The following WDR59 variants were observed in gnomAD, a reference collection of about 807,000 sequenced individuals.
WDR59 encodes the protein WD repeat domain 59, also known as GATOR2 complex protein WDR59.
A neutral mutation model predicts 131.2 loss-of-function variants in WDR59; 100 were observed. The observed-to-expected ratio is 0.76, with a 90% confidence interval of 0.65 to 0.90. The LOEUF (loss-of-function observed/expected upper bound fraction) is 0.90, where lower values mean the gene tolerates loss of function less well. WDR59 is among the 40% of genes least tolerant of loss of function. The probability of loss-of-function intolerance (pLI) is 0.00; values close to 1 mark genes in which losing one functional copy is unlikely to be tolerated. For missense variants in WDR59, 1,203 were observed against 1,262.2 expected, an observed-to-expected ratio of 0.95 and a Z score of 0.71; for synonymous variants, 601 against 466.2, an observed-to-expected ratio of 1.29 and a Z score of -3.72.
intron 25 of WDR59, among the ~76,000 whole-genome samples, chr16:74,875,513 C>T (rs1424732700): frequency 6.6e-6 from 1 of 151,892 alleles, no homozygotes; most frequent in Non-Finnish European, 1.5e-5. Context: ...TCTTGGCTCT[C>T]AATTTTCTCT....
intron 14 of WDR59, among the ~76,000 whole-genome samples, chr16:74,911,551 G>C (rs192093681): frequency 3.3e-5 from 5 of 152,296 alleles, no homozygotes; most frequent in Admixed American, 3.3e-4. Flanking sequence ...ATTTGCTCTG[G>C]ATGAACTGAT....
intron 8 of WDR59, among the ~76,000 whole-genome samples, chr16:74,928,953 G>A (rs2031129716): frequency 6.6e-6 from 1 of 152,102 alleles, no homozygotes; most frequent in South Asian, 2.1e-4. Context: ...GAAATGATCT[G>A]CAAACCATCT....
chr16:74,974,052 C>A (rs1480774838), intron 1 of WDR59, among the ~76,000 whole-genome samples: 1 of 152,172 alleles, frequency 6.6e-6, no homozygotes. Flanking sequence ...CACCTGTAAT[C>A]CCAGCTACTC....
chr16:74,891,838 C>T (rs954190079), intron 20 of WDR59, among the ~76,000 whole-genome samples: 4 of 152,148 alleles, frequency 2.6e-5, no homozygotes, highest in Non-Finnish European at 4.4e-5. Flanking sequence ...GCAGGAGAAT[C>T]GCTTGAACCC....
chr16:74,926,572 G>A (rs879813793), intron 8 of WDR59, among the ~76,000 whole-genome samples: 3 of 152,142 alleles, frequency 2.0e-5, no homozygotes, highest in Admixed American at 6.5e-5. Context: ...TGATCCACAC[G>A]TGTACTCTCA....
At chr16:74,960,178 A>G (rs536888292) in intron 2 of WDR59, among the ~76,000 whole-genome samples, 2 of 152,072 alleles carry the variant, frequency 1.3e-5, no homozygotes, top group African/African-American at 4.8e-5. Flanking sequence ...AAAATACAAA[A>G]AAGTTAGCTG....
At chr16:74,874,473 A>G in intron 25 of WDR59, 29 bp from the exon 26 acceptor site, 5 of 1,605,382 alleles carry the variant, frequency 3.1e-6, no homozygotes, top group Non-Finnish European at 4.3e-6. Flanking sequence ...GGGCAAAACA[A>G]GAGGCAGCAT....
intron 17 of WDR59, among the ~76,000 whole-genome samples, chr16:74,907,507 C>T (rs750502232): frequency 9.2e-5 from 14 of 152,164 alleles, no homozygotes; most frequent in South Asian, 2.1e-4. Flanking sequence ...CCTTCCAACA[C>T]GATTTTAAGT....
intron 9 of WDR59, among the ~76,000 whole-genome samples, chr16:74,923,222 A>G (rs917179120): frequency 6.6e-6 from 1 of 152,238 alleles, no homozygotes; most frequent in African/African-American, 2.4e-5. Context: ...GCTCAAAAAC[A>G]TCAAATGGCT....
At chr16:74,945,744 A>G (rs557839319) in intron 6 of WDR59, among the ~76,000 whole-genome samples, 1 of 151,814 alleles carries the variant, frequency 6.6e-6, no homozygotes, top group East Asian at 1.9e-4. Context: ...CACCTTCTAC[A>G]GTGTGAGTCA....
At position 74,886,326 on chromosome 16, in the gene WDR59, A is replaced by G. The variant is rs1162782875; in HGVS notation, c.2490T>C (p.Ser830=). The part of the protein sequence containing the change: ...ESSPEELRFG[S]LTYSDPRERE... The stretch of plus-strand genomic sequence containing the variant: ...GCTCACGGGGATCACTGTAGGTCAG[A>G]CTCCCAAAGCGGAGCTCTTCTGGTG... Residue 830 remains serine (S), a synonymous_variant, in exon 24 of 26, where the codon AGT becomes AGC. Transcript: ENST00000262144. 1.2e-6 allele frequency: 2 copies of G among 1,613,776 alleles called. No individual in the cohort carries two copies. The highest frequency in any genetic ancestry group is 1.3e-5 in the African/African-American group (1 of 74,838).
intron 10 of WDR59, among the ~76,000 whole-genome samples, chr16:74,918,430 C>A (rs895705018): frequency 3.3e-5 from 5 of 152,204 alleles, no homozygotes; most frequent in Non-Finnish European, 7.3e-5. Flanking sequence ...AATGTTCGTC[C>A]TTTTACATGC....
intron 11 of WDR59, 63 bp downstream of exon 11, chr16:74,917,866 C>A: frequency 1.5e-6 from 2 of 1,362,170 alleles, no homozygotes; most frequent in Non-Finnish European, 1.0e-6. Context: ...TTCCGCAAAT[C>A]CTGAATCTTA....
At chr16:74,915,843 T>A in intron 13 of WDR59, 27 bp downstream of exon 13, 1 of 1,612,488 alleles carries the variant, frequency 6.2e-7, no homozygotes. Context: ...TCAGCAAACA[T>A]GAGATACAGT....
At chr16:74,900,965 G>C (rs1965520889) in intron 18 of WDR59, among the ~76,000 whole-genome samples, 1 of 152,206 alleles carries the variant, frequency 6.6e-6, no homozygotes, top group Non-Finnish European at 1.5e-5. Flanking sequence ...CGGGCATGGT[G>C]TTGGGCACCT....
At chr16:74,927,932 G>A (rs371606086) in intron 8 of WDR59, among the ~76,000 whole-genome samples, 3 of 127,652 alleles carry the variant, frequency 2.4e-5, no homozygotes, top group Admixed American at 8.7e-5. Flanking sequence ...TTTTTGAGAC[G>A]GAGTCTTGCT....
chr16:74,971,401 T>C (rs1266216601), intron 1 of WDR59, among the ~76,000 whole-genome samples: 1 of 149,404 alleles, frequency 6.7e-6, no homozygotes, highest in African/African-American at 2.4e-5. Context: ...AAAATTTTCA[T>C]CAGTTTTCCT....
Position 74,893,762 on chromosome 16 carries a change from T to C in WDR59, c.1917A>G (p.Arg639=), listed in dbSNP as rs755055246. ...TGACTTTCCCAGCAGCCTTGATCTG[T>C]CGATTGCCAGAGTCTGATCCCTCAC... is the stretch of plus-strand genomic sequence containing the variant. ...SKREGSDSGN[R]QIKAAGKVII... The change falls in exon 19 of 26, where the codon CGA becomes CGG. Residue 639 remains arginine, a synonymous_variant. Coordinates refer to ENST00000262144, the MANE Select transcript of WDR59 (RefSeq NM_030581.4). The C allele has an allele frequency of 6.2e-7, 1 of 1,614,202 alleles. No individual in the cohort carries two copies. The highest frequency in any genetic ancestry group is 8.5e-7 in the Non-Finnish European group (1 of 1,180,022).
At chr16:74,976,923 T>C (rs11641507) in intron 1 of WDR59, among the ~76,000 whole-genome samples, 62,906 of 151,882 alleles carry the variant, frequency 0.41, 13,551 homozygotes, top group East Asian at 0.77. Context: ...AGGAGGATCA[T>C]TTGAGCCCAG....
Sources: allele counts gnomAD v4.1 joint callset (sites outside exome capture counted in the v4.1 genomes callset), GRCh38; gene constraint gnomAD v4.1.1; transcripts MANE v1.5; gene names NCBI Gene and HGNC (gene_info 2026-07-23, HGNC 2026-07-21).